Variants in ABL2 observed in about 807,000 individuals in gnomAD.
ABL2 encodes the protein tyrosine-protein kinase ABL2.
ABL2 carries 49 observed loss-of-function variants against 107.7 expected under a neutral mutation model. The observed-to-expected ratio is 0.45, with a 90% CI of 0.36 to 0.58. The LOEUF (loss-of-function observed/expected upper bound fraction) is 0.58, where lower values mean the gene tolerates loss of function less well. Among genes scored for constraint, ABL2 ranks in the 20% least tolerant of loss-of-function variants. ABL2 has a pLI of 0.00. For missense variants in ABL2, 1,245 were observed against 1,457.0 expected, an observed-to-expected ratio of 0.85 and a Z score of 2.37; for synonymous variants, 549 against 548.6, an observed-to-expected ratio of 1.00 and a Z score of -0.01.
At position 179,114,880 on chromosome 1, in the gene ABL2, G is replaced by T; in HGVS notation, c.1559C>A (p.Ala520Glu). ...TTAAAACATGCAAAAATACTCACAT[G>T]CTCTCATAAGTTCATAAACCTTAGG... The part of the protein sequence containing the change: ...CPPKVYELMR[A>E]CWKWSPADRP... The change falls in exon 9 of 12, where the codon GCA (alanine) becomes GAA (glutamate). Residue 520 changes from alanine (A) to glutamate (E), a missense_variant and splice_region_variant. Physicochemically the swap from Ala to Glu is moderately radical, Grantham distance 107. Transcript: ENST00000502732. 1 of 1,588,152 alleles carries T rather than the reference G, an allele frequency of 6.3e-7. No homozygotes were observed. Among genetic ancestry groups the T allele is most frequent in the Non-Finnish European group, 8.5e-7 (1 of 1,170,674 alleles).
intron 1 of ABL2, among the ~76,000 whole-genome samples, chr1:179,154,532 A>G (rs1658564698): frequency 6.6e-6 from 1 of 152,220 alleles, no homozygotes; most frequent in South Asian, 2.1e-4. Context: ...ATGCAACTAG[A>G]AAGGTAAGAT....
intron 1 of ABL2, among the ~76,000 whole-genome samples, chr1:179,170,890 C>A (rs1659681172): frequency 6.6e-6 from 1 of 152,094 alleles, no homozygotes; most frequent in South Asian, 2.1e-4. Flanking sequence ...CCACTGCGCT[C>A]AGCCTAATTT....
intron 9 of ABL2, among the ~76,000 whole-genome samples, chr1:179,113,087 T>G (rs373290671): frequency 6.6e-6 from 1 of 152,156 alleles, no homozygotes; most frequent in Non-Finnish European, 1.5e-5. Context: ...CAAGCTACTG[T>G]ATTTTTTATG....
intron 1 of ABL2, among the ~76,000 whole-genome samples, chr1:179,174,718 G>A (rs1307814315): frequency 4.0e-5 from 6 of 151,350 alleles, no homozygotes; most frequent in Admixed American, 1.3e-4. Flanking sequence ...AGGTTGAGGT[G>A]GGCTGATCAC....
chr1:179,140,423 TG>T (rs1262453394), intron 1 of ABL2, among the ~76,000 whole-genome samples: 1 of 152,226 alleles, frequency 6.6e-6, no homozygotes, highest in African/African-American at 2.4e-5. Flanking sequence ...ACTCCTTTCC[TG>T]ATTTATTTTA....
intron 2 of ABL2, 135 bp downstream of exon 2, chr1:179,133,176 AT>A (rs1656509770): frequency 2.1e-6 from 3 of 1,413,742 alleles, no homozygotes; most frequent in Non-Finnish European, 1.9e-6. Context: ...TATTTTTAAT[AT>A]AAAAATAGTT....
At chr1:179,158,758 T>C (rs1291317608) in intron 1 of ABL2, among the ~76,000 whole-genome samples, 1 of 152,146 alleles carries the variant, frequency 6.6e-6, no homozygotes, top group Non-Finnish European at 1.5e-5. Context: ...GCAAACCAAA[T>C]CTAGCAGGAT....
intron 1 of ABL2, among the ~76,000 whole-genome samples, chr1:179,193,309 T>A (rs1387481414): frequency 4.6e-5 from 7 of 151,108 alleles, no homozygotes; most frequent in Non-Finnish European, 8.8e-5. Flanking sequence ...AGGCTCTTTC[T>A]AAAGGTGAAT....
intron 1 of ABL2, chr1:179,201,512 G>T: frequency 3.6e-6 from 1 of 278,396 alleles, no homozygotes; most frequent in East Asian, 9.3e-5. Context: ...CTCTCCAAGG[G>T]GAACATCCAG....
chr1:179,158,139 A>T (rs1404840807), intron 1 of ABL2, among the ~76,000 whole-genome samples: 1 of 152,208 alleles, frequency 6.6e-6, no homozygotes, highest in African/African-American at 2.4e-5. Flanking sequence ...ATGCTGAGCC[A>T]GATTGTGAGG....
At chr1:179,124,561 C>T (rs1238130943) in intron 4 of ABL2, among the ~76,000 whole-genome samples, 1 of 150,704 alleles carries the variant, frequency 6.6e-6, no homozygotes, top group African/African-American at 2.4e-5. Flanking sequence ...CTCCACCTCC[C>T]AGGTTCAACC....
In ABL2 at chr1:179,112,338, GT is replaced by G; in HGVS notation, c.1621del (p.Thr541ProfsTer12). The G allele has an allele frequency of 6.2e-7, 1 of 1,613,836 alleles. No individual in the cohort carries two copies. Among genetic ancestry groups the G allele is most frequent in the Non-Finnish European group, 8.5e-7 (1 of 1,179,790 alleles). ...AGAAATGCTGGAGTCATGGAACATGGTTTCAAAAGCTTGGTGTGTTTCAGCA... is the reference window on the plus strand; with the variant it reads ...AGAAATGCTGGAGTCATGGAACATGGTTCAAAAGCTTGGTGTGTTTCAGCA... ...SFAETHQAFETMFHDSSISEE... is the reference protein window; with the variant it reads ...SFAETHQAFEXMFHDSSISEE... On this transcript the variant is annotated frameshift_variant, in exon 10 of 12. Transcript: ENST00000502732. LOFTEE classifies it high-confidence loss of function.
intron 1 of ABL2, among the ~76,000 whole-genome samples, chr1:179,177,565 A>C (rs939986851): frequency 2.0e-5 from 3 of 152,142 alleles, no homozygotes; most frequent in Non-Finnish European, 2.9e-5. Context: ...AACCACAATT[A>C]ATTCATTTAA....
In ABL2 at chr1:179,174,908, A is replaced by T. The variant is rs1056914654; in HGVS notation, c.158-41534T>A. On this transcript the variant is annotated intron_variant, in intron 1 of 11. Transcript: ENST00000502732. The stretch of plus-strand genomic sequence containing the variant: ...GAGACTCTGTCTCAAAAAAAAAAAA[A>T]TAAAATAAAAAAAATAATAATAATA... 3.0e-4 allele frequency among the ~76,000 whole-genome samples: 36 copies of T among 120,896 alleles called. 2 individuals carry two copies. In the South Asian group the frequency reaches 4.7e-3, roughly 16 times the overall value. The allele number at this position is 120,896 out of a possible 152,430, so 79.3% of individuals were successfully genotyped here. A position where few individuals can be genotyped will look rare whatever the true frequency, so the allele number is the denominator to read the frequency against.
At chr1:179,130,967 G>A (rs1656262446) in intron 3 of ABL2, among the ~76,000 whole-genome samples, 1 of 148,794 alleles carries the variant, frequency 6.7e-6, no homozygotes, top group Non-Finnish European at 1.5e-5. Flanking sequence ...TTGAGATGGA[G>A]TCTCACTCTG....
intron 1 of ABL2, among the ~76,000 whole-genome samples, chr1:179,138,938 G>C (rs1657304194): frequency 1.3e-5 from 2 of 152,300 alleles, no homozygotes; most frequent in Non-Finnish European, 2.9e-5. Flanking sequence ...CTCACACTCG[G>C]AGCAGCCAGC....
intron 1 of ABL2, among the ~76,000 whole-genome samples, chr1:179,202,299 T>C (rs894172498): frequency 5.9e-5 from 9 of 152,180 alleles, no homozygotes; most frequent in Non-Finnish European, 1.3e-4. Flanking sequence ...ATGGAAGTGC[T>C]ATTCTTTTAA....
chr1:179,118,886 AC>A, intron 6 of ABL2, 122 bp from the exon 7 acceptor site: 1 of 1,022,238 alleles, frequency 9.8e-7, no homozygotes, highest in Non-Finnish European at 1.4e-6. Context: ...TTCCCTTCTT[AC>A]CACCACGTTC....
Position 179,229,470 on chromosome 1 carries a change from C to T in ABL2, c.-73G>A, listed in dbSNP as rs1447588476. On this transcript the variant is annotated 5_prime_UTR_variant, in exon 1 of 12. Coordinates refer to ENST00000502732, the MANE Select transcript of ABL2 (RefSeq NM_007314.4). ...CCTCCTCGGCTCCGGCCTCGGGCTC[C>T]TGGCGCTGCTCCGGTCTCTCCCTCC... is the stretch of plus-strand genomic sequence containing the variant. 5 of 1,393,906 alleles carry T rather than the reference C, an allele frequency of 3.6e-6. No homozygotes were observed. The highest frequency in any genetic ancestry group is 4.6e-6 in the Non-Finnish European group (5 of 1,076,200). The allele number at this position is 1,393,906 out of a possible 1,614,324, so 86.3% of individuals were successfully genotyped here. A position where few individuals can be genotyped will look rare whatever the true frequency, so the allele number is the denominator to read the frequency against.
Sources: gnomAD v4.1 joint callset for allele counts (sites outside exome capture counted in the v4.1 genomes callset) on GRCh38, gnomAD v4.1.1 for gene constraint, MANE v1.5 for transcripts, NCBI Gene and HGNC (gene_info 2026-07-23, HGNC 2026-07-21) for gene names.